ATF6: variants seen among roughly 807,000 people sequenced by gnomAD.
The protein encoded by ATF6 is activating transcription factor 6.
A neutral mutation model predicts 83.6 loss-of-function variants in ATF6; 53 were observed. That is an observed-to-expected ratio of 0.63 (90% CI 0.51 to 0.80). The LOEUF (loss-of-function observed/expected upper bound fraction) is 0.80. Among genes scored for constraint, ATF6 ranks in the 30% least tolerant of loss-of-function variants. ATF6 has a pLI of 0.00. For missense variants in ATF6, 744 were observed against 797.9 expected, an observed-to-expected ratio of 0.93 and a Z score of 0.81; for synonymous variants, 288 against 285.8, an observed-to-expected ratio of 1.01 and a Z score of -0.08.
chr1:161,833,514 AT>A (rs1213210398), intron 9 of ATF6, among the ~76,000 whole-genome samples: 1 of 152,144 alleles, frequency 6.6e-6, no homozygotes, highest in Non-Finnish European at 1.5e-5. Context: ...TGAAAAAAAA[AT>A]TAGATGAATG....
intron 4 of ATF6, among the ~76,000 whole-genome samples, chr1:161,788,081 C>G (rs746727774): frequency 2.0e-5 from 3 of 152,076 alleles, no homozygotes; most frequent in Admixed American, 6.5e-5. Flanking sequence ...GAATATATGC[C>G]TAGAATTGCT....
At chr1:161,855,598 G>GT in intron 12 of ATF6, among the ~76,000 whole-genome samples, 1 of 152,148 alleles carries the variant, frequency 6.6e-6, no homozygotes, top group East Asian at 1.9e-4. Context: ...AGAAAACAGA[G>GT]TGAGGTACCA....
At chr1:161,941,976 C>T (rs776124284) in intron 15 of ATF6, among the ~76,000 whole-genome samples, 8 of 150,302 alleles carry the variant, frequency 5.3e-5, no homozygotes, top group African/African-American at 9.8e-5. Context: ...TTTTTTTCGG[C>T]GGGGTGGGGG....
At chr1:161,925,599 TATC>T (rs990830431) in intron 15 of ATF6, among the ~76,000 whole-genome samples, 9 of 152,322 alleles carry the variant, frequency 5.9e-5, no homozygotes, top group African/African-American at 1.9e-4. Context: ...AATCAGTAGT[TATC>T]ATCAACTTCC....
intron 15 of ATF6, among the ~76,000 whole-genome samples, chr1:161,927,008 C>T (rs908315260): frequency 6.6e-6 from 1 of 151,884 alleles, no homozygotes; most frequent in African/African-American, 2.4e-5. Context: ...GCTTTATATT[C>T]AGCGCATAGC....
intron 7 of ATF6, among the ~76,000 whole-genome samples, chr1:161,810,500 A>T (rs1402838974): frequency 6.6e-6 from 1 of 152,122 alleles, no homozygotes; most frequent in Admixed American, 6.5e-5. Flanking sequence ...TAGAGACACA[A>T]ATCTAGATCA....
chr1:161,786,566 C>G (rs1008298193), intron 4 of ATF6, among the ~76,000 whole-genome samples: 1 of 151,882 alleles, frequency 6.6e-6, no homozygotes, highest in Non-Finnish European at 1.5e-5. Flanking sequence ...CATATTTTTA[C>G]TCTTTTTTTT....
At chr1:161,825,836 G>A (rs934320567) in intron 9 of ATF6, among the ~76,000 whole-genome samples, 5 of 152,126 alleles carry the variant, frequency 3.3e-5, no homozygotes, top group African/African-American at 1.2e-4. Context: ...CTTGGAGGTT[G>A]AGGGATGGGA....
chr1:161,807,863 A>ATTTTTTTTTTTTTTTTTTTTTTTT (rs1557971141), intron 7 of ATF6, among the ~76,000 whole-genome samples: 1 of 54,798 alleles, frequency 1.8e-5, no homozygotes, highest in African/African-American at 8.2e-5. Context: ...TTAGTTTGTC[A>ATTTTTTTTTTTTTTTTTTTTTTTT]TCTTTTTTTT....
intron 15 of ATF6, among the ~76,000 whole-genome samples, chr1:161,944,830 C>G (rs1312144009): frequency 6.6e-6 from 1 of 152,226 alleles, no homozygotes; most frequent in Non-Finnish European, 1.5e-5. Context: ...ACAACATGGC[C>G]TGGCATTCTT....
intron 9 of ATF6, among the ~76,000 whole-genome samples, chr1:161,831,047 C>T (rs987034523): frequency 2.0e-5 from 3 of 152,112 alleles, no homozygotes; most frequent in Admixed American, 6.5e-5. Flanking sequence ...GCAATCTACT[C>T]GTCTGACAAA....
chr1:161,958,329 A>C, intron 15 of ATF6, 117 bp from the exon 16 acceptor site: 1 of 1,010,486 alleles, frequency 9.9e-7, no homozygotes, highest in Non-Finnish European at 1.4e-6. Flanking sequence ...CACCCCTTGA[A>C]AGTTTACTGA....
intron 12 of ATF6, 38 bp from the exon 13 acceptor site, chr1:161,860,169 G>A (rs1686852564): frequency 1.4e-6 from 2 of 1,427,818 alleles, no homozygotes; most frequent in Non-Finnish European, 9.6e-7. Context: ...ATAATTTTGT[G>A]ATACAGTATT....
At chr1:161,860,161 A>G in intron 12 of ATF6, 46 bp from the exon 13 acceptor site, 1 of 1,368,706 alleles carries the variant, frequency 7.3e-7, no homozygotes, top group Non-Finnish European at 1.0e-6. Flanking sequence ...GATTTCATAT[A>G]ATTTTGTGAT....
intron 14 of ATF6, among the ~76,000 whole-genome samples, chr1:161,909,813 G>A (rs1184265982): frequency 6.6e-6 from 1 of 152,028 alleles, no homozygotes; most frequent in Admixed American, 6.6e-5. Flanking sequence ...AAAATTAGCC[G>A]GGCATGGTGG....
intron 4 of ATF6, among the ~76,000 whole-genome samples, chr1:161,785,242 C>A (rs1375474421): frequency 6.6e-6 from 1 of 152,200 alleles, no homozygotes; most frequent in East Asian, 1.9e-4. Flanking sequence ...CATCCTCTTT[C>A]TTCTGCCTAG....
intron 3 of ATF6, among the ~76,000 whole-genome samples, chr1:161,783,658 A>G (rs569752674): frequency 2.6e-5 from 4 of 152,040 alleles, no homozygotes; most frequent in South Asian, 2.1e-4. Context: ...CTCAGCCAAC[A>G]AGTTCTATTT....
Position 161,802,202 on chromosome 1 carries a change from G to T in ATF6, c.839G>T (p.Ser280Ile). 1.2e-6 allele frequency: 2 copies of T among 1,614,014 alleles called. No homozygotes were observed. Among genetic ancestry groups the T allele is most frequent in the Non-Finnish European group, 1.7e-6 (2 of 1,179,988 alleles). Residue 280 changes from serine to isoleucine, a missense_variant, in exon 7 of 16, where the codon AGC (serine) becomes ATC (isoleucine). Ser to Ile is a moderately radical substitution (Grantham distance 142). Transcript: ENST00000367942. Reference sequence around the variant, plus strand: ...GTGGTACCAGCCCCTTCAGCGAATAGCCCAGTGAATGGAAAACTTTCCGTG... The same window carrying T: ...GTGGTACCAGCCCCTTCAGCGAATATCCCAGTGAATGGAAAACTTTCCGTG... ...VNVVPAPSAN[S>I]PVNGKLSVTK...
chr1:161,892,625 A>ATTTT (rs1687580698), intron 14 of ATF6, among the ~76,000 whole-genome samples: 2 of 132,436 alleles, frequency 1.5e-5, no homozygotes, highest in African/African-American at 5.9e-5. Flanking sequence ...TATACAGGTC[A>ATTTT]TTCTTTTTTT....
Sources: allele counts gnomAD v4.1 joint callset (sites outside exome capture counted in the v4.1 genomes callset), GRCh38; gene constraint gnomAD v4.1.1; transcripts MANE v1.5; gene names NCBI Gene and HGNC (gene_info 2026-07-23, HGNC 2026-07-21).